The following OCA2 variants were observed in gnomAD, a reference collection of about 807,000 sequenced individuals.
OCA2 encodes P protein.
Under a neutral mutation model 100.2 loss-of-function variants are expected in OCA2, and 77 were observed. The ratio of observed to expected loss-of-function variants is 0.77; its 90% CI spans 0.64 to 0.93. The LOEUF is 0.93. Among genes scored for constraint, OCA2 ranks in the 40% least tolerant of loss-of-function variants. The pLI, the probability that OCA2 is intolerant of heterozygous loss-of-function variation, is 0.00. For missense variants in OCA2, 1,062 were observed against 1,089.1 expected (o/e 0.98, Z 0.35); for synonymous variants, 432 against 439.2 (o/e 0.98, Z 0.21).
At chr15:27,870,086 G>A (rs998446104) in intron 21 of OCA2, among the ~76,000 whole-genome samples, 3 of 152,202 alleles carry the variant, frequency 2.0e-5, no homozygotes, top group Admixed American at 6.5e-5. Flanking sequence ...TCCCAGATCC[G>A]CCTAAGGTCG....
chr15:27,905,837 A>G lies in OCA2; in HGVS notation c.2079+20290T>C, dbSNP rs924619421. On this transcript the variant is annotated intron_variant, in intron 19 of 23. Coordinates refer to ENST00000354638, the MANE Select transcript of OCA2 (RefSeq NM_000275.3). The stretch of plus-strand genomic sequence containing the variant: ...AAATGTCACATGTATCAGCTGAGGA[A>G]AATCCCCTCTGAAAATAACCATGAA... Among the ~76,000 whole-genome samples, 5 of 152,216 alleles carry G rather than the reference A, an allele frequency of 3.3e-5. No homozygotes were observed. The South Asian group carries it at 1.0e-3, about 31-fold the overall frequency.
At chr15:27,818,513 T>C (rs1244447679) in intron 23 of OCA2, among the ~76,000 whole-genome samples, 1 of 150,520 alleles carries the variant, frequency 6.6e-6, no homozygotes, top group African/African-American at 2.4e-5. Flanking sequence ...CACAAAAGAG[T>C]TGTCATGCCA....
In OCA2 at chr15:27,970,402, C is replaced by T. The variant is rs76348953; in HGVS notation, c.1504-3580G>A. 5.9e-4 allele frequency among the ~76,000 whole-genome samples: 90 copies of T among 152,206 alleles called. 3 individuals carry two copies. In the East Asian group the frequency reaches 0.011, roughly 19 times the overall value. ...AACACCCAAGGGAGTGGGGGAAAAG[C>T]AGTAGTGGAGGAGAAGCCAAAGAAC... On this transcript the variant is annotated intron_variant, in intron 14 of 23. Coordinates refer to ENST00000354638, the MANE Select transcript of OCA2 (RefSeq NM_000275.3).
At chr15:28,090,388 C>T (rs1353756770) in intron 1 of OCA2, among the ~76,000 whole-genome samples, 1 of 152,190 alleles carries the variant, frequency 6.6e-6, no homozygotes, top group East Asian at 1.9e-4. Context: ...CATCCAACAA[C>T]AGCAGAATAT....
chr15:27,969,522 A>G (rs2040697280), intron 14 of OCA2, among the ~76,000 whole-genome samples: 1 of 152,190 alleles, frequency 6.6e-6, no homozygotes, highest in African/African-American at 2.4e-5. Flanking sequence ...AAAACTATCC[A>G]CCAGCACACT....
intron 23 of OCA2, among the ~76,000 whole-genome samples, chr15:27,759,722 C>A (rs866089851): frequency 1.3e-5 from 2 of 152,028 alleles, no homozygotes; most frequent in African/African-American, 4.8e-5. Context: ...GAAAGTGGCA[C>A]ATGCACAAAT....
At chr15:27,759,399 C>T (rs1457797699) in intron 23 of OCA2, among the ~76,000 whole-genome samples, 2 of 152,080 alleles carry the variant, frequency 1.3e-5, no homozygotes, top group African/African-American at 4.8e-5. Context: ...ATATGATAAA[C>T]TTTCCTTTTC....
chr15:27,861,582 A>T (rs976202071), intron 21 of OCA2, among the ~76,000 whole-genome samples: 6 of 152,086 alleles, frequency 3.9e-5, no homozygotes, highest in Non-Finnish European at 8.8e-5. Context: ...CTGAAGGGCC[A>T]GGCGGGGAAA....
chr15:27,788,295 G>A (rs1037745623), intron 23 of OCA2, among the ~76,000 whole-genome samples: 6 of 151,922 alleles, frequency 3.9e-5, no homozygotes, highest in Admixed American at 1.3e-4. Context: ...CTGTCTAGTT[G>A]CTATATCCAT....
intron 2 of OCA2, among the ~76,000 whole-genome samples, chr15:28,041,652 G>A (rs2043204727): frequency 6.6e-6 from 1 of 151,984 alleles, no homozygotes; most frequent in Non-Finnish European, 1.5e-5. Flanking sequence ...AAAATCATTA[G>A]GATTAATAAA....
intron 2 of OCA2, among the ~76,000 whole-genome samples, chr15:28,078,989 C>A (rs1177041492): frequency 6.6e-6 from 1 of 152,202 alleles, no homozygotes; most frequent in Non-Finnish European, 1.5e-5. Context: ...GGGGACACGG[C>A]AGGCTACAGC....
At chr15:27,759,738 G>A (rs1345437206) in intron 23 of OCA2, among the ~76,000 whole-genome samples, 2 of 152,098 alleles carry the variant, frequency 1.3e-5, no homozygotes, top group Non-Finnish European at 2.9e-5. Context: ...CAAATGGATT[G>A]TAGACTGACA....
At chr15:27,954,458 A>G (rs541487672) in intron 17 of OCA2, among the ~76,000 whole-genome samples, 1 of 152,324 alleles carries the variant, frequency 6.6e-6, no homozygotes, top group South Asian at 2.1e-4. Context: ...GAAAATAAGC[A>G]CGATAGATGT....
intron 9 of OCA2, among the ~76,000 whole-genome samples, chr15:28,001,399 A>G (rs949920368): frequency 6.6e-6 from 1 of 152,158 alleles, no homozygotes; most frequent in Admixed American, 6.5e-5. Flanking sequence ...CAAATACTGC[A>G]TGATCCCACT....
At chr15:27,846,863 G>C (rs1210055686) in intron 22 of OCA2, among the ~76,000 whole-genome samples, 1 of 152,180 alleles carries the variant, frequency 6.6e-6, no homozygotes, top group African/African-American at 2.4e-5. Flanking sequence ...TGGGGGGCAA[G>C]TGGGGAGCAC....
chr15:27,913,473 T>C (rs2038478082), intron 19 of OCA2, among the ~76,000 whole-genome samples: 2 of 152,100 alleles, frequency 1.3e-5, no homozygotes. Flanking sequence ...AAAAATGTCT[T>C]GCTTGCTCTC....
rs532727130 is a variant in OCA2 at position 27,855,867 on chromosome 15, G to A, written c.2245-4392C>T. 5.9e-5 allele frequency among the ~76,000 whole-genome samples: 9 copies of A among 152,338 alleles called. No individual in the cohort carries two copies. In the South Asian group the frequency reaches 1.7e-3, roughly 28 times the overall value. ...CTCCAGGAATCTACCTCTGCCTAAA[G>A]GATGACTGAACTGGCAGGAACTGTC... is the stretch of plus-strand genomic sequence containing the variant. On this transcript the variant is annotated intron_variant, in intron 21 of 23. Coordinates refer to ENST00000354638, the MANE Select transcript of OCA2 (RefSeq NM_000275.3).
At chr15:27,850,622 C>A (rs1295552455) in intron 22 of OCA2, among the ~76,000 whole-genome samples, 1 of 152,142 alleles carries the variant, frequency 6.6e-6, no homozygotes, top group Non-Finnish European at 1.5e-5. Context: ...TGACATTAAT[C>A]CCCCTTTTCA....
At chr15:28,041,038 C>T (rs1269474255) in intron 2 of OCA2, among the ~76,000 whole-genome samples, 1 of 152,100 alleles carries the variant, frequency 6.6e-6, no homozygotes, top group Admixed American at 6.6e-5. Flanking sequence ...CAAAGCCAGA[C>T]AAAGACACTA....
Sources: allele counts gnomAD v4.1 joint callset (sites outside exome capture counted in the v4.1 genomes callset), GRCh38; gene constraint gnomAD v4.1.1; transcripts MANE v1.5; gene names NCBI Gene and HGNC (gene_info 2026-07-23, HGNC 2026-07-21).